Variants in SMCR8 observed in about 807,000 individuals in gnomAD.
SMCR8 encodes the protein guanine nucleotide exchange protein SMCR8.
A neutral mutation model predicts 56.6 loss-of-function variants in SMCR8; 30 were observed. The observed-to-expected ratio is 0.53, with a 90% CI of 0.40 to 0.72. The LOEUF (loss-of-function observed/expected upper bound fraction) is 0.72. SMCR8 is among the 30% of genes least tolerant of loss of function. The pLI is 0.00. For synonymous variants in SMCR8, 538 were observed against 456.0 expected (o/e 1.18, Z -2.29); for missense variants, 1,198 against 1,157.0 (o/e 1.04, Z -0.51).
chr17:18,318,415 T>G (rs1020300648), intron 1 of SMCR8, among the ~76,000 whole-genome samples: 2 of 152,206 alleles, frequency 1.3e-5, no homozygotes, highest in African/African-American at 4.8e-5. Flanking sequence ...TTATTTTTAT[T>G]TTTTTGCAAC....
rs769327578 is a variant in SMCR8, at chr17:18,323,086, CTG to C, written c.*19_*20del. ...TAAAATCTGAGGTCGGTCCCAGACA[CTG>C]TGACCAAGACCTGTGACTCAGGGTA... On this transcript the variant is annotated 3_prime_UTR_variant, in exon 2 of 2. Coordinates refer to ENST00000406438, the MANE Select transcript of SMCR8 (RefSeq NM_144775.3). 6.3e-6 allele frequency: 10 copies of C among 1,600,000 alleles called. No individual in the cohort carries two copies. The highest frequency in any genetic ancestry group is 7.7e-6 in the Non-Finnish European group (9 of 1,171,092).
chr17:18,323,111 G>T lies in SMCR8; in HGVS notation c.*41G>T, dbSNP rs1486143157. The T allele has an allele frequency of 1.3e-6, 2 of 1,556,246 alleles. No homozygotes were observed. Among genetic ancestry groups the T allele is most frequent in the Non-Finnish European group, 1.8e-6 (2 of 1,139,104 alleles). ...CTGTGACCAAGACCTGTGACTCAGG[G>T]TATGGGGAGGGGAGGGGTTGGCATG... On this transcript the variant is annotated 3_prime_UTR_variant, in exon 2 of 2. Transcript: ENST00000406438.
rs912365835 is a variant in SMCR8, at chr17:18,325,790, T to G, written c.*2720T>G. 6.6e-6 allele frequency: 1 copy of G among 152,344 alleles called. No individual in the cohort carries two copies. The highest frequency in any genetic ancestry group is 6.5e-5 in the Admixed American group (1 of 15,286). The allele number at this position is 152,344 out of a possible 1,614,324, so 9.4% of individuals were successfully genotyped here. On this transcript the variant is annotated 3_prime_UTR_variant, in exon 2 of 2. Transcript: ENST00000406438. ...AATTTTCAGTTGAGGCCGGGCGCAG[T>G]GGCTCACGCCTGTAATCCCAACACT...
rs1982214273 is a variant in SMCR8, at chr17:18,315,377, G to C, written c.-413G>C. The C allele has an allele frequency of 6.1e-6, 1 of 164,850 alleles. No individual in the cohort carries two copies. The allele number at this position is 164,850 out of a possible 1,614,324, so 10.2% of individuals were successfully genotyped here. A position where few individuals can be genotyped will look rare whatever the true frequency, so the allele number is the denominator to read the frequency against. ...CCGCGACGGTTTCTGCCCTCGGGCA[G>C]TGAGGGGCAGCAGCGCTTGGCTGAC... On this transcript the variant is annotated 5_prime_UTR_variant, in exon 1 of 2. Transcript: ENST00000406438.
In SMCR8 at chr17:18,323,067, C is replaced by A. The variant is rs372618795; in HGVS notation, c.2811C>A (p.Ile937=). 15 of 1,611,314 alleles carry A rather than the reference C, an allele frequency of 9.3e-6. No individual in the cohort carries two copies. The highest frequency in any genetic ancestry group is 1.0e-5 in the Non-Finnish European group (12 of 1,178,360). Reference sequence around the variant, plus strand: ...ATGTCCCCAGCTTTTTGTATAAAATCTGAGGTCGGTCCCAGACACTGTGAC... The same window carrying A: ...ATGTCCCCAGCTTTTTGTATAAAATATGAGGTCGGTCCCAGACACTGTGAC... ...FDYVPSFLYK[I] Residue 937 remains isoleucine (I), a synonymous_variant, in exon 2 of 2, where the codon ATC becomes ATA. Transcript: ENST00000406438.
At position 18,315,376 on chromosome 17, in the gene SMCR8, A is replaced by C; in HGVS notation, c.-414A>C. The C allele has an allele frequency of 6.1e-6, 1 of 163,440 alleles. No homozygotes were observed. Among genetic ancestry groups the C allele is most frequent in the Non-Finnish European group, 1.3e-5 (1 of 74,584 alleles). 10.1% of individuals were successfully genotyped at this position (163,440 alleles called of 1,614,324 possible). A position where few individuals can be genotyped will look rare whatever the true frequency, so the allele number is the denominator to read the frequency against. ...GCCGCGACGGTTTCTGCCCTCGGGC[A>C]GTGAGGGGCAGCAGCGCTTGGCTGA... On this transcript the variant is annotated 5_prime_UTR_variant, in exon 1 of 2. Transcript: ENST00000406438.
rs745469577 is a variant in SMCR8 at position 18,316,549 on chromosome 17, C to A, written c.760C>A (p.Arg254Ser). Reference sequence around the variant, plus strand: ...ACATCAAGACCTGCTGAAGCAGATCCGCTCATACCCTCATCGGAAGTTGAA... The same window carrying A: ...ACATCAAGACCTGCTGAAGCAGATCAGCTCATACCCTCATCGGAAGTTGAA... ...IEHQDLLKQI[R>S]SYPHRKLKGH... Residue 254 changes from arginine to serine, a missense_variant, in exon 1 of 2, where the codon CGC (arginine) becomes AGC (serine). Transcript: ENST00000406438. 1.2e-5 allele frequency: 19 copies of A among 1,614,152 alleles called. No individual in the cohort carries two copies. Among genetic ancestry groups the A allele is most frequent in the Non-Finnish European group, 1.5e-5 (18 of 1,180,036 alleles).
Position 18,316,496 on chromosome 17 carries a change from T to G in SMCR8, c.707T>G (p.Leu236Arg). Residue 236 changes from leucine (L) to arginine (R), a missense_variant, in exon 1 of 2, where the codon CTG becomes CGG. Leu to Arg is a moderately radical substitution (Grantham distance 102). Transcript: ENST00000406438. ...CAGGCAATTGAGAAAGCCAATGAAC[T>G]GGCCAGTGTGGAGAAGTCCATCATT... is the stretch of plus-strand genomic sequence containing the variant. ...SSQAIEKANE[L>R]ASVEKSIIEH... 1 of 1,614,180 alleles carries G rather than the reference T, an allele frequency of 6.2e-7. No individual in the cohort carries two copies. The highest frequency in any genetic ancestry group is 8.5e-7 in the Non-Finnish European group (1 of 1,180,042).
chr17:18,324,203 G>A lies in SMCR8; in HGVS notation c.*1133G>A, dbSNP rs1432503187. 1 of 152,256 alleles carries A rather than the reference G, an allele frequency of 6.6e-6. No homozygotes were observed. Among genetic ancestry groups the A allele is most frequent in the East Asian group, 1.9e-4 (1 of 5,200 alleles). The allele number at this position is 152,256 out of a possible 1,614,324, so 9.4% of individuals were successfully genotyped here. On this transcript the variant is annotated 3_prime_UTR_variant, in exon 2 of 2. Coordinates refer to ENST00000406438, the MANE Select transcript of SMCR8 (RefSeq NM_144775.3). ...ACGGATTTCCTGGATGAGCTACCAC[G>A]TGGCGCTCTTCAGGTTCTGCCTCTG...
chr17:18,316,589 G>A lies in SMCR8; in HGVS notation c.800G>A (p.Cys267Tyr). ...PHRKLKGHDL[C>Y]PGEMEHIQDQ... Reference sequence around the variant, plus strand: ...CGGAAGTTGAAGGGGCATGATTTGTGTCCTGGTGAGATGGAGCACATCCAG... The same window carrying A: ...CGGAAGTTGAAGGGGCATGATTTGTATCCTGGTGAGATGGAGCACATCCAG... Residue 267 changes from cysteine (C) to tyrosine (Y), a missense_variant, in exon 1 of 2, where the codon TGT (cysteine) becomes TAT (tyrosine). Transcript: ENST00000406438. 1 of 1,614,208 alleles carries A rather than the reference G, an allele frequency of 6.2e-7. No homozygotes were observed. Among genetic ancestry groups the A allele is most frequent in the Non-Finnish European group, 8.5e-7 (1 of 1,180,032 alleles).
Position 18,317,992 on chromosome 17 carries a change from G to A in SMCR8, c.2203G>A (p.Val735Ile), listed in dbSNP as rs1257460050. 2 of 1,614,126 alleles carry A rather than the reference G, an allele frequency of 1.2e-6. No individual in the cohort carries two copies. The highest frequency in any genetic ancestry group is 1.7e-6 in the Non-Finnish European group (2 of 1,180,058). Residue 735 changes from valine (V) to isoleucine (I), a missense_variant, in exon 1 of 2, where the codon GTC becomes ATC. Coordinates refer to ENST00000406438, the MANE Select transcript of SMCR8 (RefSeq NM_144775.3). The part of the protein sequence containing the change: ...YSLLSGRTLV[V>I]LGEDEAIVRK... ...CCTGCTCAGTGGGAGGACACTTGTG[G>A]TCCTGGGGGAAGATGAGGCCATAGT...
Position 18,323,376 on chromosome 17 carries a change from T to G in SMCR8, c.*306T>G. ...GCCAGGGCAGAAGGGAAGCCACCAG[T>G]CCCTTGGTGGGGCAGGGTGAGGGCA... On this transcript the variant is annotated 3_prime_UTR_variant, in exon 2 of 2. Transcript: ENST00000406438. 1 of 371,864 alleles carries G rather than the reference T, an allele frequency of 2.7e-6. No individual in the cohort carries two copies. The highest frequency in any genetic ancestry group is 4.9e-6 in the Non-Finnish European group (1 of 202,364). The allele number at this position is 371,864 out of a possible 1,614,324, so 23.0% of individuals were successfully genotyped here.
Position 18,317,648 on chromosome 17 carries a change from G to T in SMCR8, c.1859G>T (p.Arg620Met). The T allele has an allele frequency of 6.2e-7, 1 of 1,614,198 alleles. No individual in the cohort carries two copies. The highest frequency in any genetic ancestry group is 8.5e-7 in the Non-Finnish European group (1 of 1,180,042). The change falls in exon 1 of 2, where the codon AGG becomes ATG. Residue 620 changes from arginine (R) to methionine (M), a missense_variant. Arg to Met is a moderately conservative substitution (Grantham distance 91). Coordinates refer to ENST00000406438, the MANE Select transcript of SMCR8 (RefSeq NM_144775.3). Reference sequence around the variant, plus strand: ...GTGAGCAGCCCCCCACAGCGCCACAGGCAGAAGGACCAGGGGTTCCGTGTA... The same window carrying T: ...GTGAGCAGCCCCCCACAGCGCCACATGCAGAAGGACCAGGGGTTCCGTGTA... ...GVVSSPPQRH[R>M]QKDQGFRVDF...
In SMCR8 at chr17:18,322,843, T is replaced by A; in HGVS notation, c.2587T>A (p.Phe863Ile). Residue 863 changes from phenylalanine (F) to isoleucine (I), a missense_variant, in exon 2 of 2, where the codon TTC (phenylalanine) becomes ATC (isoleucine). Phe to Ile is a conservative substitution (Grantham distance 21). Transcript: ENST00000406438. ...QLCSKAFLYT[F>I]CHHLHLPTHD... ...CTGCTCCAAGGCCTTCCTCTACACC[T>A]TCTGCCACCACCTGCACCTGCCTAC... The A allele has an allele frequency of 5.6e-6, 9 of 1,613,974 alleles. 1 individual carries two copies. In the South Asian group the frequency reaches 7.7e-5, roughly 14 times the overall value.
chr17:18,319,175 G>C (rs990426048), intron 1 of SMCR8, among the ~76,000 whole-genome samples: 15 of 152,308 alleles, frequency 9.8e-5, no homozygotes, highest in Non-Finnish European at 1.8e-4. Flanking sequence ...GTCAAGTCCT[G>C]GTGTGCCACC....
Position 18,322,918 on chromosome 17 carries a change from C to CT in SMCR8, c.2663dup (p.Leu890AlafsTer8), listed in dbSNP as rs1264574670. 1 of 1,614,200 alleles carries CT rather than the reference C, an allele frequency of 6.2e-7. No homozygotes were observed. Among genetic ancestry groups the CT allele is most frequent in the Non-Finnish European group, 8.5e-7 (1 of 1,180,026 alleles). ...GGTAGCCAGCCGCCAGATGAGCTTC[C>CT]TAAAGCTGACCCTGGGTCTGGTGAA... On this transcript the variant is annotated frameshift_variant, in exon 2 of 2. Coordinates refer to ENST00000406438, the MANE Select transcript of SMCR8 (RefSeq NM_144775.3). LOFTEE classifies it high-confidence loss of function.
rs1368226955 is a variant in SMCR8 at position 18,327,809 on chromosome 17, T to G, written c.*4739T>G. The G allele has an allele frequency of 6.6e-6, 1 of 152,634 alleles. No individual in the cohort carries two copies. The highest frequency in any genetic ancestry group is 2.4e-5 in the African/African-American group (1 of 41,454). 9.5% of individuals were successfully genotyped at this position (152,634 alleles called of 1,614,324 possible). ...TGCAGCTGGCGCGTGTGTGATAGCA[T>G]CTCGTAGGTGTTGCTGCACAAGAGT... On this transcript the variant is annotated 3_prime_UTR_variant, in exon 2 of 2. Coordinates refer to ENST00000406438, the MANE Select transcript of SMCR8 (RefSeq NM_144775.3).
Position 18,327,082 on chromosome 17 carries a change from A to C in SMCR8, c.*4012A>C, listed in dbSNP as rs1982682628. On this transcript the variant is annotated 3_prime_UTR_variant, in exon 2 of 2. Coordinates refer to ENST00000406438, the MANE Select transcript of SMCR8 (RefSeq NM_144775.3). ...CTGGAGATATGGTTTTTAACACTGC[A>C]AAAAGGAAAAAGCATCAAGTTTCTA... 1 of 152,384 alleles carries C rather than the reference A, an allele frequency of 6.6e-6. No homozygotes were observed. Among genetic ancestry groups the C allele is most frequent in the Admixed American group, 6.5e-5 (1 of 15,286 alleles). The allele number at this position is 152,384 out of a possible 1,614,324, so 9.4% of individuals were successfully genotyped here.
chr17:18,315,967 A>T lies in SMCR8; in HGVS notation c.178A>T (p.Ile60Phe). Reference sequence around the variant, plus strand: ...CAAGTTTTCGAGGGACTTCATTCTTATTTCCGAGTTCTCTGAGCAGGTGGG... The same window carrying T: ...CAAGTTTTCGAGGGACTTCATTCTTTTTTCCGAGTTCTCTGAGCAGGTGGG... ...GAKFSRDFIL[I>F]SEFSEQVGPQ... The change falls in exon 1 of 2, where the codon ATT becomes TTT. Residue 60 changes from isoleucine to phenylalanine, a missense_variant. Ile to Phe is a conservative substitution (Grantham distance 21). Transcript: ENST00000406438. The T allele has an allele frequency of 6.2e-7, 1 of 1,614,042 alleles. No individual in the cohort carries two copies. The highest frequency in any genetic ancestry group is 8.5e-7 in the Non-Finnish European group (1 of 1,179,992).
Sources: allele counts gnomAD v4.1 joint callset (sites outside exome capture counted in the v4.1 genomes callset), GRCh38; gene constraint gnomAD v4.1.1; transcripts MANE v1.5; gene names NCBI Gene and HGNC (gene_info 2026-07-23, HGNC 2026-07-21).